The following CDC14B variants were observed in gnomAD, a reference collection of about 807,000 sequenced individuals.
CDC14B encodes the protein cell division cycle 14B, also known as dual specificity protein phosphatase CDC14B.
Under a neutral mutation model 64.2 loss-of-function variants are expected in CDC14B, and 22 were observed. The ratio of observed to expected loss-of-function variants is 0.34; its 90% CI spans 0.24 to 0.49. CDC14B has a LOEUF of 0.49. Among genes scored for constraint, CDC14B ranks in the 20% least tolerant of loss-of-function variants. The probability of loss-of-function intolerance (pLI) is 0.99; values close to 1 mark genes in which losing one functional copy is unlikely to be tolerated. For missense variants in CDC14B, 498 were observed against 629.9 expected (o/e 0.79, Z 2.24); for synonymous variants, 191 against 215.8 (o/e 0.89, Z 1.01).
At chr9:96,555,040 C>T (rs1330261568) in intron 4 of CDC14B, among the ~76,000 whole-genome samples, 1 of 152,156 alleles carries the variant, frequency 6.6e-6, no homozygotes, top group African/African-American at 2.4e-5. Context: ...TTCCACAGTG[C>T]TAGTTAAGAA....
At chr9:96,618,521 A>G (rs760819148) in intron 1 of CDC14B, 2 of 533,482 alleles carry the variant, frequency 3.7e-6, no homozygotes, top group East Asian at 1.1e-4. Context: ...GGATTTCTCA[A>G]AAGTGACAAC....
chr9:96,596,968 A>G (rs1035809877), intron 1 of CDC14B, among the ~76,000 whole-genome samples: 2 of 152,210 alleles, frequency 1.3e-5, no homozygotes, highest in Non-Finnish European at 2.9e-5. Flanking sequence ...AAATATTTAC[A>G]TAAGTAATGG....
intron 5 of CDC14B, among the ~76,000 whole-genome samples, chr9:96,548,274 A>C (rs1166947564): frequency 6.6e-6 from 1 of 152,220 alleles, no homozygotes; most frequent in East Asian, 1.9e-4. Context: ...TCAAGAAAAC[A>C]GGAAGCAGAG....
chr9:96,523,672 T>G lies in CDC14B; in HGVS notation c.1000A>C (p.Arg334=). The change falls in exon 10 of 14, where the codon AGG becomes CGG. Residue 334 remains arginine (R), a synonymous_variant. Coordinates refer to ENST00000375241, the MANE Select transcript of CDC14B (RefSeq NM_033331.4). ...LIACYIMKHY[R]MTAAETIAWV... is the part of the protein sequence containing the mutation. ...GCAATGGTCTCGGCTGCTGTCATCC[T>G]GTAATGCTTCATGATGTAGCAGGCT... The G allele has an allele frequency of 6.2e-7, 1 of 1,614,124 alleles. No homozygotes were observed. The highest frequency in any genetic ancestry group is 8.5e-7 in the Non-Finnish European group (1 of 1,180,016).
At chr9:96,542,263 G>A (rs118156938) in intron 5 of CDC14B, among the ~76,000 whole-genome samples, 6 of 144,740 alleles carry the variant, frequency 4.1e-5, no homozygotes, top group South Asian at 4.1e-4. Context: ...GGAAAATACC[G>A]TATGAAAATC....
At chr9:96,564,696 T>C in intron 3 of CDC14B, 81 bp downstream of exon 3, 2 of 802,784 alleles carry the variant, frequency 2.5e-6, no homozygotes, top group Non-Finnish European at 4.0e-6. Flanking sequence ...CATTTCCTTT[T>C]TAAAAAGAGA....
chr9:96,547,557 G>GA (rs535496346), intron 5 of CDC14B, among the ~76,000 whole-genome samples: 174 of 151,976 alleles, frequency 1.1e-3, no homozygotes, highest in African/African-American at 3.9e-3. Context: ...AGGCTTGAGG[G>GA]ATCCTCCTGC....
At chr9:96,499,251 A>G (rs186802233), downstream of CDC14B, among the ~76,000 whole-genome samples, 58 of 152,298 alleles carry the variant, frequency 3.8e-4, no homozygotes, top group African/African-American at 1.4e-3. Flanking sequence ...TACTTTGGAC[A>G]CTTGTAACCC....
At chr9:96,602,598 T>C (rs907822698) in intron 1 of CDC14B, among the ~76,000 whole-genome samples, 1 of 152,084 alleles carries the variant, frequency 6.6e-6, no homozygotes, top group African/African-American at 2.4e-5. Flanking sequence ...TCAGATCTCA[T>C]GAGACTTATT....
chr9:96,550,485 TCA>T (rs1841641130), intron 5 of CDC14B, among the ~76,000 whole-genome samples: 1 of 152,232 alleles, frequency 6.6e-6, no homozygotes, highest in South Asian at 2.1e-4. Context: ...AAAGTCAGAT[TCA>T]CAAACTCCCT....
At chr9:96,497,151 G>A (rs1247577794), downstream of CDC14B, among the ~76,000 whole-genome samples, 1 of 152,230 alleles carries the variant, frequency 6.6e-6, no homozygotes, top group Non-Finnish European at 1.5e-5. Context: ...TTTAGAAACA[G>A]ACTTGGCCCA....
downstream of CDC14B, among the ~76,000 whole-genome samples, chr9:96,498,344 G>A (rs1833338368): frequency 1.3e-5 from 2 of 152,204 alleles, no homozygotes; most frequent in African/African-American, 2.4e-5. Context: ...CAGATCAAGG[G>A]TCCCCAAGGC....
chr9:96,543,651 C>T (rs1159303421), intron 5 of CDC14B, among the ~76,000 whole-genome samples: 1 of 152,140 alleles, frequency 6.6e-6, no homozygotes, highest in African/African-American at 2.4e-5. Flanking sequence ...CACCCCGACC[C>T]CTACCCTGCT....
intron 5 of CDC14B, among the ~76,000 whole-genome samples, chr9:96,546,934 C>T (rs1303649249): frequency 2.0e-5 from 3 of 151,942 alleles, no homozygotes; most frequent in East Asian, 2.0e-4. Context: ...TGGTGGCAGG[C>T]GCCTGTAGTC....
At position 96,527,259 on chromosome 9, in the gene CDC14B, C is replaced by T. The variant is rs542537013; in HGVS notation, c.947-3534G>A. ...GTAAAAATACAAAAAATTAGCCGGG[C>T]GCGGTGGCGGGCGCCTGTAGTCCCA... On this transcript the variant is annotated intron_variant, in intron 9 of 13. Transcript: ENST00000375241. Among the ~76,000 whole-genome samples, 27 of 152,022 alleles carry T rather than the reference C, an allele frequency of 1.8e-4. No homozygotes were observed. The South Asian group carries it at 4.6e-3, about 26-fold the overall frequency.
intron 1 of CDC14B, among the ~76,000 whole-genome samples, chr9:96,583,412 ATTG>A: frequency 6.8e-6 from 1 of 146,592 alleles, no homozygotes; most frequent in South Asian, 2.1e-4. Flanking sequence ...TATTATTATT[ATTG>A]AGACTAAGTC....
At chr9:96,499,064 C>T (rs1466458062), downstream of CDC14B, among the ~76,000 whole-genome samples, 6 of 152,216 alleles carry the variant, frequency 3.9e-5, no homozygotes, top group Admixed American at 2.6e-4. Flanking sequence ...TGCGTGGTGG[C>T]GCCAGCTGCC....
rs377257173 is a variant in CDC14B, at chr9:96,614,009, C to G, written c.160+5210G>C. Among the ~76,000 whole-genome samples the G allele has an allele frequency of 1.2e-3, 187 of 152,136 alleles. 4 individuals are homozygous for G. In the South Asian group the frequency reaches 0.038, roughly 31 times the overall value. ...CTGTATTTGTTTATTTGATGAGTAT[C>G]CAATATATCACCATTAATTAGTGCT... On this transcript the variant is annotated intron_variant, in intron 1 of 13. Transcript: ENST00000375241.
intron 2 of CDC14B, among the ~76,000 whole-genome samples, 161 bp from the exon 3 acceptor site, chr9:96,565,013 C>A (rs1843713673): frequency 6.6e-6 from 1 of 152,108 alleles, no homozygotes; most frequent in Admixed American, 6.6e-5. Context: ...GAAGACTATT[C>A]TGGTAAATAA....
Sources: gnomAD v4.1 joint callset for allele counts (sites outside exome capture counted in the v4.1 genomes callset) on GRCh38, gnomAD v4.1.1 for gene constraint, MANE v1.5 for transcripts, NCBI Gene and HGNC (gene_info 2026-07-23, HGNC 2026-07-21) for gene names.